The following SCRG1 variants were observed in gnomAD, a reference collection of about 807,000 sequenced individuals.
SCRG1 encodes stimulator of chondrogenesis 1, also known as scrapie-responsive protein 1.
SCRG1 carries 3 observed loss-of-function variants against 7.7 expected under a neutral mutation model. The observed-to-expected ratio is 0.39, with a 90% CI of 0.18 to 1.01. SCRG1 has a LOEUF of 1.01. Among genes scored for constraint, SCRG1 ranks in the 50% least tolerant of loss-of-function variants. SCRG1 has a pLI of 0.36. For missense variants in SCRG1, 110 were observed against 117.2 expected (o/e 0.94, Z 0.28); for synonymous variants, 46 against 41.2 (o/e 1.12, Z -0.44).
At chr4:173,497,256 A>G in the SCRG1 span, among the ~76,000 whole-genome samples, 1 of 152,168 alleles carries the variant, frequency 6.6e-6, no homozygotes, top group African/African-American at 2.4e-5. Flanking sequence ...TCCTTGCTCT[A>G]TTCCTCTCTA....
At chr4:173,484,687 TTATATATTA>T in the SCRG1 span, among the ~76,000 whole-genome samples, 1 of 96,438 alleles carries the variant, frequency 1.0e-5, no homozygotes, top group East Asian at 3.0e-4. Context: ...ATAATATATA[TTATATATTA>T]TATGCATATA....
At chr4:173,452,361 G>A in the SCRG1 span, among the ~76,000 whole-genome samples, 2 of 152,136 alleles carry the variant, frequency 1.3e-5, no homozygotes, top group Non-Finnish European at 2.9e-5. Flanking sequence ...AAGAGCAAAA[G>A]CAAGAGGAGG....
chr4:173,491,215 C>CTTTT, the SCRG1 span, among the ~76,000 whole-genome samples: 223 of 133,018 alleles, frequency 1.7e-3, 3 homozygotes, highest in East Asian at 0.014. Flanking sequence ...CTCTCTCTCT[C>CTTTT]TCTTTTTTTT....
In SCRG1 at chr4:173,405,481, A is replaced by G. The variant is rs548135560; in HGVS notation, c.-748+779T>C. Among the ~76,000 whole-genome samples, 9 of 152,314 alleles carry G rather than the reference A, an allele frequency of 5.9e-5. No homozygotes were observed. In the South Asian group the frequency reaches 1.7e-3, roughly 28 times the overall value. On this transcript the variant is annotated intron_variant and NMD_transcript_variant, in intron 1 of 8. Coordinates refer to the SCRG1 transcript ENST00000512188. ...GTACACTCTGTGGAAGGAAGTCCCT[A>G]TGCATGGTCCATATGTAAGGAGTGG...
chr4:173,414,526 G>A, the SCRG1 span, among the ~76,000 whole-genome samples: 2 of 152,186 alleles, frequency 1.3e-5, no homozygotes, highest in Non-Finnish European at 1.5e-5. Flanking sequence ...CTTAAGCAAG[G>A]AGTTGGAAAG....
At chr4:173,500,330 C>G in the SCRG1 span, among the ~76,000 whole-genome samples, 1 of 152,226 alleles carries the variant, frequency 6.6e-6, no homozygotes, top group South Asian at 2.1e-4. Context: ...GGGGTGCACC[C>G]GGAGGCCTCC....
At chr4:173,504,306 G>A in the SCRG1 span, among the ~76,000 whole-genome samples, 7 of 152,282 alleles carry the variant, frequency 4.6e-5, no homozygotes, top group South Asian at 6.2e-4. The surrounding 1 kb of genome is among the most constrained non-coding windows in gnomAD (Gnocchi z 4.7). Context: ...CAGCGCAAAC[G>A]GCGTGCTCCT....
the SCRG1 span, among the ~76,000 whole-genome samples, chr4:173,416,368 C>A: frequency 6.6e-6 from 1 of 152,250 alleles, no homozygotes; most frequent in African/African-American, 2.4e-5. Context: ...CCAGCCACTC[C>A]TTGTGCCCAT....
the SCRG1 span, among the ~76,000 whole-genome samples, chr4:173,457,565 G>A: frequency 6.6e-6 from 1 of 152,194 alleles, no homozygotes; most frequent in Non-Finnish European, 1.5e-5. Flanking sequence ...TTCCCGAGAG[G>A]TGTCTGTCCC....
chr4:173,417,740 C>A, the SCRG1 span, among the ~76,000 whole-genome samples: 2 of 152,138 alleles, frequency 1.3e-5, no homozygotes, highest in African/African-American at 4.8e-5. Flanking sequence ...AAGCGATCCT[C>A]CCACCACCTC....
the SCRG1 span, chr4:173,419,684 T>A: frequency 1.1e-5 from 9 of 817,128 alleles, no homozygotes; most frequent in Admixed American, 5.1e-5. Flanking sequence ...CACAGCTCCC[T>A]TCGGGGCACC....
the SCRG1 span, among the ~76,000 whole-genome samples, chr4:173,491,217 C>CTT: frequency 0.016 from 2,132 of 133,026 alleles, 18 homozygotes; most frequent in Non-Finnish European, 0.02. Flanking sequence ...CTCTCTCTCT[C>CTT]TTTTTTTTTT....
At chr4:173,512,494 A>C in the SCRG1 span, among the ~76,000 whole-genome samples, 1 of 152,260 alleles carries the variant, frequency 6.6e-6, no homozygotes, top group African/African-American at 2.4e-5. Context: ...TCAAGTGCAC[A>C]CGCAGAGAAA....
the SCRG1 span, among the ~76,000 whole-genome samples, chr4:173,423,800 A>G: frequency 1.3e-5 from 2 of 152,044 alleles, no homozygotes; most frequent in African/African-American, 4.8e-5. Flanking sequence ...AAAGATGTTT[A>G]TTTGGCTTAT....
chr4:173,501,799 A>G, the SCRG1 span, among the ~76,000 whole-genome samples: 1 of 152,178 alleles, frequency 6.6e-6, no homozygotes, highest in Non-Finnish European at 1.5e-5. This position sits in a 1 kb window ranked among gnomAD's most constrained non-coding sequence, Gnocchi z 5.1. Context: ...AGGTAATCTC[A>G]TATGTGAGGC....
At chr4:173,457,012 T>G in the SCRG1 span, among the ~76,000 whole-genome samples, 1 of 152,218 alleles carries the variant, frequency 6.6e-6, no homozygotes, top group African/African-American at 2.4e-5. Flanking sequence ...CTCAGAGAGA[T>G]TCTTTACTCT....
the SCRG1 span, among the ~76,000 whole-genome samples, chr4:173,423,838 C>A: frequency 3.3e-5 from 5 of 152,114 alleles, no homozygotes; most frequent in African/African-American, 1.2e-4. Flanking sequence ...AGTCCAAAGG[C>A]ATAGTACTAG....
chr4:173,516,896 C>G, the SCRG1 span, among the ~76,000 whole-genome samples: 6 of 152,222 alleles, frequency 3.9e-5, no homozygotes, highest in Admixed American at 3.3e-4. Flanking sequence ...GGGATCTCAA[C>G]GTGAAGGGGG....
At chr4:173,488,343 A>G in the SCRG1 span, among the ~76,000 whole-genome samples, 14 of 152,086 alleles carry the variant, frequency 9.2e-5, no homozygotes, top group Non-Finnish European at 1.8e-4. Flanking sequence ...GGATTGGCCA[A>G]GCATGATTAT....
Sources: gnomAD v4.1 joint callset for allele counts (sites outside exome capture counted in the v4.1 genomes callset) on GRCh38, gnomAD v4.1.1 for gene constraint, Gnocchi (gnomAD v3.1) non-coding constraint, MANE v1.5 for transcripts, NCBI Gene and HGNC (gene_info 2026-07-23, HGNC 2026-07-21) for gene names.